KCNMA1: variants seen among roughly 807,000 people sequenced by gnomAD.
KCNMA1 encodes the protein Calcium-activated potassium channel subunit alpha-1.
KCNMA1 carries 29 observed loss-of-function variants against 140.0 expected under a neutral mutation model. That is an observed-to-expected ratio of 0.21 (90% CI 0.15 to 0.28). The LOEUF is 0.28. Ranked by LOEUF, KCNMA1 falls within the 10% of genes least tolerant of loss-of-function variation. The pLI is 1.00. For synonymous variants in KCNMA1, 612 were observed against 611.9 expected, an observed-to-expected ratio of 1.00 and a Z score of 0.00; for missense variants, 880 against 1,602.2, an observed-to-expected ratio of 0.55 and a Z score of 7.70.
At chr10:77,116,757 C>T (rs79798343) in intron 6 of KCNMA1, among the ~76,000 whole-genome samples, 69 of 152,276 alleles carry the variant, frequency 4.5e-4, no homozygotes, top group African/African-American at 1.7e-3. Flanking sequence ...AATACCTCTT[C>T]CCTGGACTAC....
chr10:77,159,106 A>G (rs983746902), intron 5 of KCNMA1, among the ~76,000 whole-genome samples: 4 of 152,202 alleles, frequency 2.6e-5, no homozygotes, highest in Admixed American at 6.5e-5. Context: ...AGAATATATG[A>G]CACGGCTGTG....
At chr10:77,488,074 C>T (rs909998292) in intron 1 of KCNMA1, among the ~76,000 whole-genome samples, 2 of 152,154 alleles carry the variant, frequency 1.3e-5, no homozygotes, top group African/African-American at 4.8e-5. Context: ...TTAATAAGCA[C>T]CCATGCAGCA....
chr10:77,406,412 C>T (rs1479989992), intron 1 of KCNMA1, among the ~76,000 whole-genome samples: 1 of 152,160 alleles, frequency 6.6e-6, no homozygotes, highest in Non-Finnish European at 1.5e-5. Context: ...GCAATTATCC[C>T]AGCACCCCTT....
At chr10:77,472,107 CCA>C (rs2098172787) in intron 1 of KCNMA1, among the ~76,000 whole-genome samples, 1 of 149,008 alleles carries the variant, frequency 6.7e-6, no homozygotes, top group South Asian at 2.2e-4. Flanking sequence ...ACATAAATAC[CCA>C]CACACCACGC....
intron 2 of KCNMA1, chr10:77,315,350 G>A (rs368737158): frequency 1.3e-5 from 2 of 152,224 alleles, no homozygotes; most frequent in Non-Finnish European, 1.5e-5. Flanking sequence ...AAAAGACAGT[G>A]TGAGTCTCGT....
At chr10:77,154,374 A>G (rs1317866452) in intron 5 of KCNMA1, among the ~76,000 whole-genome samples, 1 of 152,200 alleles carries the variant, frequency 6.6e-6, no homozygotes, top group Non-Finnish European at 1.5e-5. Context: ...TACAGCACAA[A>G]ACATCCAGCA....
chr10:76,994,887 G>A (rs1221096861), intron 19 of KCNMA1, among the ~76,000 whole-genome samples: 1 of 152,194 alleles, frequency 6.6e-6, no homozygotes, highest in African/African-American at 2.4e-5. Flanking sequence ...ATATGAGAAG[G>A]AGAATCCCAA....
At chr10:77,039,371 C>A in intron 15 of KCNMA1, 157 bp downstream of exon 15, 1 of 683,918 alleles carries the variant, frequency 1.5e-6, no homozygotes, top group South Asian at 1.6e-5. Flanking sequence ...CATGTAATGA[C>A]CCACCCTCCT....
At chr10:77,290,956 ATAT>A (rs1469654709) in intron 2 of KCNMA1, among the ~76,000 whole-genome samples, 5 of 152,212 alleles carry the variant, frequency 3.3e-5, no homozygotes, top group African/African-American at 9.6e-5. Context: ...CGGAGATTTG[ATAT>A]TCAGGAAGTC....
At chr10:77,099,676 T>G (rs567656769) in intron 9 of KCNMA1, among the ~76,000 whole-genome samples, 2 of 149,080 alleles carry the variant, frequency 1.3e-5, no homozygotes, top group Non-Finnish European at 3.0e-5. Context: ...ATTGCGCCAT[T>G]GCACTCCAGC....
chr10:77,234,606 AT>A (rs1287650061), intron 3 of KCNMA1, among the ~76,000 whole-genome samples: 14 of 152,346 alleles, frequency 9.2e-5, no homozygotes, highest in African/African-American at 3.4e-4. Context: ...ATTATTTTAC[AT>A]TTATGCCATC....
chr10:77,015,746 G>A (rs2091900578), intron 17 of KCNMA1, among the ~76,000 whole-genome samples: 1 of 151,900 alleles, frequency 6.6e-6, no homozygotes, highest in Non-Finnish European at 1.5e-5. Context: ...CCTGACTCTA[G>A]CCTTCATCCT....
intron 1 of KCNMA1, among the ~76,000 whole-genome samples, chr10:77,491,104 C>T (rs1237574199): frequency 2.0e-5 from 3 of 152,232 alleles, no homozygotes; most frequent in Non-Finnish European, 4.4e-5. Context: ...AGAAAACCAA[C>T]GCTGGCTCTC....
rs7913117 is a variant in KCNMA1 at position 77,629,890 on chromosome 10, A to G, written c.378+7375T>C. 8.0e-3 allele frequency among the ~76,000 whole-genome samples: 1,215 copies of G among 152,330 alleles called. 12 individuals are homozygous for G. Among genetic ancestry groups the G allele is most frequent in the African/African-American group, 0.027 (1,138 of 41,556 alleles). ...GGTCCTTCTTCATTCTGCCTGCTGCAGACACTCATGGTGCTCCCCTCTGAT... is the reference window on the plus strand; with the variant it reads ...GGTCCTTCTTCATTCTGCCTGCTGCGGACACTCATGGTGCTCCCCTCTGAT... On this transcript the variant is annotated intron_variant, in intron 1 of 27. Transcript: ENST00000286628.
At chr10:77,589,425 C>T (rs934786602) in intron 1 of KCNMA1, among the ~76,000 whole-genome samples, 9 of 152,114 alleles carry the variant, frequency 5.9e-5, no homozygotes, top group African/African-American at 1.9e-4. Flanking sequence ...GCACAAACAA[C>T]GTGGCCTCTC....
intron 14 of KCNMA1, among the ~76,000 whole-genome samples, chr10:77,055,026 C>T (rs2095496405): frequency 6.6e-6 from 1 of 152,098 alleles, no homozygotes; most frequent in African/African-American, 2.4e-5. Context: ...AGCCATGATG[C>T]TGATGACCCT....
At chr10:77,369,867 ACATCTTTTGCTTT>A (rs958942313) in intron 2 of KCNMA1, among the ~76,000 whole-genome samples, 21 of 152,218 alleles carry the variant, frequency 1.4e-4, no homozygotes, top group Middle Eastern at 6.3e-3. Context: ...TGGCAAGGGA[ACATCTTTTGCTTT>A]CATATCCATC....
intron 23 of KCNMA1, among the ~76,000 whole-genome samples, chr10:76,915,497 A>G (rs2052430259): frequency 6.6e-6 from 1 of 152,182 alleles, no homozygotes; most frequent in Non-Finnish European, 1.5e-5. Flanking sequence ...CTGTGAGAAT[A>G]CAGGTTACTA....
At chr10:76,934,924 TA>T (rs2060167243) in intron 23 of KCNMA1, among the ~76,000 whole-genome samples, 1 of 152,212 alleles carries the variant, frequency 6.6e-6, no homozygotes, top group Admixed American at 6.5e-5. Context: ...CTGAAAATGT[TA>T]TTTAAGTGTC....
Sources: gnomAD v4.1 joint callset for allele counts (sites outside exome capture counted in the v4.1 genomes callset) on GRCh38, gnomAD v4.1.1 for gene constraint, MANE v1.5 for transcripts, NCBI Gene and HGNC (gene_info 2026-07-23, HGNC 2026-07-21) for gene names.